The following CNTN5 variants were observed in gnomAD, a reference collection of about 807,000 sequenced individuals.
CNTN5 encodes contactin-5.
CNTN5 carries 77 observed loss-of-function variants against 129.1 expected under a neutral mutation model. That is an observed-to-expected ratio of 0.60 (90% CI 0.50 to 0.72). The LOEUF is 0.72. Among genes scored for constraint, CNTN5 ranks in the 30% least tolerant of loss-of-function variants. CNTN5 has a pLI of 0.00. For missense variants in CNTN5, 1,478 were observed against 1,328.8 expected, an observed-to-expected ratio of 1.11 and a Z score of -1.75; for synonymous variants, 509 against 465.6, an observed-to-expected ratio of 1.09 and a Z score of -1.20.
intron 3 of CNTN5, among the ~76,000 whole-genome samples, chr11:99,780,154 T>G (rs538154906): frequency 9.2e-5 from 14 of 152,136 alleles, no homozygotes; most frequent in African/African-American, 2.7e-4. Flanking sequence ...TCTGTTACTG[T>G]TATCAAGTCC....
At chr11:99,790,163 T>A (rs1237805241) in intron 3 of CNTN5, among the ~76,000 whole-genome samples, 2 of 152,098 alleles carry the variant, frequency 1.3e-5, no homozygotes, top group Admixed American at 6.6e-5. Context: ...ATGGTGTACA[T>A]GTGCCACATT....
chr11:99,342,861 GTGT>G (rs1866586647), intron 2 of CNTN5, among the ~76,000 whole-genome samples: 1 of 151,988 alleles, frequency 6.6e-6, no homozygotes, highest in Admixed American at 6.6e-5. Flanking sequence ...CAAACTTAAG[GTGT>G]TGTTCTAGCT....
chr11:99,097,124 G>C, intron 1 of CNTN5, among the ~76,000 whole-genome samples: 1 of 151,810 alleles, frequency 6.6e-6, no homozygotes, highest in East Asian at 1.9e-4. Flanking sequence ...CAAATAATTG[G>C]AGTTAGATAA....
intron 1 of CNTN5, among the ~76,000 whole-genome samples, chr11:99,237,432 C>G (rs542229897): frequency 6.6e-6 from 1 of 152,104 alleles, no homozygotes; most frequent in Non-Finnish European, 1.5e-5. Context: ...CCTGTAATCC[C>G]GACACTGTGG....
Position 99,612,543 on chromosome 11 carries a change from GTCT to G in CNTN5, c.55+56279_55+56281del, listed in dbSNP as rs1327565668. ...ATAGTACAGTAATTAAACCCATATTGTCTTCTTTAGTCTTTTTAAAAACTTTTG... is the reference window on the plus strand; with the variant it reads ...ATAGTACAGTAATTAAACCCATATTGTCTTTAGTCTTTTTAAAAACTTTTG... On this transcript the variant is annotated intron_variant, in intron 3 of 24. Coordinates refer to ENST00000524871, the MANE Select transcript of CNTN5 (RefSeq NM_014361.4). 2.0e-5 allele frequency among the ~76,000 whole-genome samples: 3 copies of G among 152,162 alleles called. No homozygotes were observed. The East Asian group carries it at 5.8e-4, about 29-fold the overall frequency.
intron 1 of CNTN5, among the ~76,000 whole-genome samples, chr11:99,315,720 A>G (rs1865310875): frequency 6.7e-6 from 1 of 149,456 alleles, no homozygotes; most frequent in African/African-American, 2.4e-5. Flanking sequence ...TTGAATAGAC[A>G]AAGTTTTAGA....
At chr11:100,281,139 G>A (rs1950627627) in intron 18 of CNTN5, among the ~76,000 whole-genome samples, 1 of 152,082 alleles carries the variant, frequency 6.6e-6, no homozygotes, top group Non-Finnish European at 1.5e-5. Flanking sequence ...CAGTTACAGT[G>A]TTATAATATT....
intron 8 of CNTN5, among the ~76,000 whole-genome samples, chr11:99,998,051 C>G (rs12270439): frequency 9.5e-4 from 144 of 152,180 alleles, no homozygotes; most frequent in African/African-American, 3.0e-3. Flanking sequence ...CAATATCATA[C>G]TGAATGGGCA....
chr11:100,353,459 G>A (rs560033765), intron 24 of CNTN5, among the ~76,000 whole-genome samples: 12 of 151,706 alleles, frequency 7.9e-5, no homozygotes, highest in African/African-American at 2.7e-4. Context: ...TAGCTTTGTA[G>A]ATTCTATTTG....
At chr11:99,185,173 T>C (rs545849238) in intron 1 of CNTN5, among the ~76,000 whole-genome samples, 1 of 151,890 alleles carries the variant, frequency 6.6e-6, no homozygotes, top group East Asian at 1.9e-4. Context: ...GAAAAGACTT[T>C]CTTTTTCAGG....
At chr11:100,001,947 A>G (rs1939900861) in intron 8 of CNTN5, 87 bp from the exon 9 acceptor site, 3 of 941,836 alleles carry the variant, frequency 3.2e-6, no homozygotes, top group African/African-American at 1.7e-5. Context: ...CAACCAAACC[A>G]CAGTGATTTT....
At chr11:99,120,597 T>A (rs1416725115) in intron 1 of CNTN5, 1 of 152,208 alleles carries the variant, frequency 6.6e-6, no homozygotes, top group African/African-American at 2.4e-5. Flanking sequence ...ATAATCTTTA[T>A]TTTATAGCAC....
intron 1 of CNTN5, among the ~76,000 whole-genome samples, chr11:99,095,046 A>T (rs148614763): frequency 1.1e-4 from 17 of 151,972 alleles, no homozygotes; most frequent in African/African-American, 4.1e-4. Context: ...GGTTTGTTAC[A>T]TAGGTATACA....
chr11:100,282,696 C>T (rs1406535949), intron 18 of CNTN5, among the ~76,000 whole-genome samples: 1 of 152,186 alleles, frequency 6.6e-6, no homozygotes, highest in African/African-American at 2.4e-5. Context: ...AGGGCCTAGG[C>T]GGATCCAGAG....
intron 21 of CNTN5, chr11:100,337,391 C>A (rs1400951413): frequency 3.9e-6 from 3 of 777,672 alleles, no homozygotes; most frequent in Non-Finnish European, 4.7e-6. Context: ...GCAGAGAGAG[C>A]ACCTATCAGC....
intron 13 of CNTN5, among the ~76,000 whole-genome samples, chr11:100,083,794 CA>C (rs1944451615): frequency 6.6e-6 from 1 of 152,078 alleles, no homozygotes; most frequent in Non-Finnish European, 1.5e-5. Context: ...CTCAAAATAT[CA>C]GTTCCTAATA....
chr11:100,160,229 T>A (rs563283698), intron 13 of CNTN5, among the ~76,000 whole-genome samples: 16 of 151,976 alleles, frequency 1.1e-4, no homozygotes, highest in Non-Finnish European at 2.2e-4. Context: ...GCATCATCCA[T>A]GTCCCTGCAA....
chr11:100,150,163 G>A (rs528039774), intron 13 of CNTN5, among the ~76,000 whole-genome samples: 36 of 152,136 alleles, frequency 2.4e-4, no homozygotes, highest in African/African-American at 8.4e-4. Context: ...TGCATATCAG[G>A]TAATTTATCA....
At chr11:100,072,303 A>G (rs1943951823) in intron 12 of CNTN5, among the ~76,000 whole-genome samples, 1 of 152,170 alleles carries the variant, frequency 6.6e-6, no homozygotes, top group Non-Finnish European at 1.5e-5. Context: ...ATGGGGCATC[A>G]ACTAATACCT....
Sources: gnomAD v4.1 joint callset for allele counts (sites outside exome capture counted in the v4.1 genomes callset) on GRCh38, gnomAD v4.1.1 for gene constraint, MANE v1.5 for transcripts, NCBI Gene and HGNC (gene_info 2026-07-23, HGNC 2026-07-21) for gene names.